Variants in BCL2 observed in about 807,000 individuals in gnomAD.
The protein encoded by BCL2 is apoptosis regulator Bcl-2.
A neutral mutation model predicts 14.2 loss-of-function variants in BCL2; 1 was observed. The observed-to-expected ratio is 0.07, with a 90% CI of 0.02 to 0.33. The LOEUF (loss-of-function observed/expected upper bound fraction) is 0.33, where lower values mean the gene tolerates loss of function less well. Among genes scored for constraint, BCL2 ranks in the 10% least tolerant of loss-of-function variants. The probability of loss-of-function intolerance (pLI) is 0.99; values close to 1 mark genes in which losing one functional copy is unlikely to be tolerated. For synonymous variants in BCL2, 151 were observed against 137.2 expected, an observed-to-expected ratio of 1.10 and a Z score of -0.70; for missense variants, 247 against 305.9, an observed-to-expected ratio of 0.81 and a Z score of 1.44.
chr18:63,318,832 G>T lies in BCL2; in HGVS notation c.-166C>A. On this transcript the variant is annotated 5_prime_UTR_variant, in exon 2 of 3. Transcript: ENST00000333681. The surrounding 1 kb of genome is among the most constrained non-coding windows in gnomAD (Gnocchi z 7.4). ...CAATCACGCGGAACACTTGATTCTGGTGTTTCCCCCTTGGCATGAGATGCA... is the reference window on the plus strand; with the variant it reads ...CAATCACGCGGAACACTTGATTCTGTTGTTTCCCCCTTGGCATGAGATGCA... 1 of 1,414,752 alleles carries T rather than the reference G, an allele frequency of 7.1e-7. No homozygotes were observed. Among genetic ancestry groups the T allele is most frequent in the Non-Finnish European group, 9.2e-7 (1 of 1,083,030 alleles). The allele number at this position is 1,414,752 out of a possible 1,614,324, so 87.6% of individuals were successfully genotyped here. A position where few individuals can be genotyped will look rare whatever the true frequency, so the allele number is the denominator to read the frequency against.
chr18:63,139,750 C>T (rs1410115838), intron 2 of BCL2, among the ~76,000 whole-genome samples: 1 of 152,168 alleles, frequency 6.6e-6, no homozygotes, highest in East Asian at 1.9e-4. Context: ...TCCTACCTTC[C>T]TCATTCCATT....
chr18:63,259,964 C>G (rs918810044), intron 2 of BCL2, among the ~76,000 whole-genome samples: 1 of 152,256 alleles, frequency 6.6e-6, no homozygotes. Context: ...TTCTCCACAG[C>G]TGGCCTTTTC....
intron 2 of BCL2, among the ~76,000 whole-genome samples, chr18:63,219,172 T>C (rs1221173746): frequency 2.6e-5 from 4 of 152,190 alleles, no homozygotes; most frequent in African/African-American, 7.2e-5. Flanking sequence ...TCTCCAAATA[T>C]GGCTTGCAAT....
intron 2 of BCL2, among the ~76,000 whole-genome samples, chr18:63,230,082 T>C (rs1910650460): frequency 6.6e-6 from 1 of 152,166 alleles, no homozygotes; most frequent in African/African-American, 2.4e-5. Flanking sequence ...AAATAGAGAA[T>C]GCACATGAAA....
At chr18:63,165,791 T>C (rs1015657216) in intron 2 of BCL2, among the ~76,000 whole-genome samples, 1 of 152,014 alleles carries the variant, frequency 6.6e-6, no homozygotes, top group Non-Finnish European at 1.5e-5. Flanking sequence ...AGAGAAGGCT[T>C]GCAGGGGAGG....
chr18:63,194,807 G>T (rs1909399445), intron 2 of BCL2, among the ~76,000 whole-genome samples: 1 of 152,172 alleles, frequency 6.6e-6, no homozygotes, highest in South Asian at 2.1e-4. Context: ...GATCCCAAGG[G>T]TTCCTGGATC....
rs971266568 is a variant in BCL2 at position 63,145,525 on chromosome 18, A to T, written c.586-16766T>A. 7.2e-5 allele frequency among the ~76,000 whole-genome samples: 11 copies of T among 152,354 alleles called. No individual in the cohort carries two copies. The South Asian group carries it at 8.3e-4, about 11-fold the overall frequency. The stretch of plus-strand genomic sequence containing the variant: ...AAACAGCTTTTCTCTACTCACATTT[A>T]AAAAATCTTCATAATTTAACAAAGG... On this transcript the variant is annotated intron_variant, in intron 2 of 2. Coordinates refer to ENST00000333681, the MANE Select transcript of BCL2 (RefSeq NM_000633.3).
chr18:63,167,125 G>A (rs965945804), intron 2 of BCL2, among the ~76,000 whole-genome samples: 3 of 152,216 alleles, frequency 2.0e-5, no homozygotes, highest in Non-Finnish European at 4.4e-5. Flanking sequence ...CTCCTTTGGT[G>A]TATAATTCTA....
intron 2 of BCL2, among the ~76,000 whole-genome samples, chr18:63,144,927 G>A (rs1046369041): frequency 5.3e-5 from 8 of 152,244 alleles, no homozygotes; most frequent in Admixed American, 2.0e-4. Flanking sequence ...GGGAACGTGT[G>A]CGGCACACTC....
At chr18:63,271,580 C>T (rs1327776457) in intron 2 of BCL2, among the ~76,000 whole-genome samples, 3 of 152,212 alleles carry the variant, frequency 2.0e-5, no homozygotes, top group African/African-American at 7.2e-5. Flanking sequence ...AGTTTTGCTG[C>T]TTTCAATATT....
intron 2 of BCL2, among the ~76,000 whole-genome samples, chr18:63,307,885 T>C (rs1913190224): frequency 6.6e-6 from 1 of 152,160 alleles, no homozygotes; most frequent in African/African-American, 2.4e-5. Flanking sequence ...TGGGGACAAA[T>C]CTACAAGCTG....
chr18:63,242,377 G>T (rs1479257196), intron 2 of BCL2, among the ~76,000 whole-genome samples: 9 of 152,202 alleles, frequency 5.9e-5, no homozygotes, highest in Non-Finnish European at 1.5e-5. Flanking sequence ...TTATTGAGGA[G>T]AAATCAGGGA....
chr18:63,233,970 A>G (rs1165702564), intron 2 of BCL2, among the ~76,000 whole-genome samples: 2 of 152,178 alleles, frequency 1.3e-5, no homozygotes, highest in Admixed American at 6.5e-5. Flanking sequence ...TATTCTCTGT[A>G]AATTTTGTAT....
At chr18:63,311,671 AAGAAGC>A (rs1337726235) in intron 2 of BCL2, among the ~76,000 whole-genome samples, 8 of 152,290 alleles carry the variant, frequency 5.3e-5, no homozygotes, top group African/African-American at 1.7e-4. Flanking sequence ...AAGGCAAAAC[AAGAAGC>A]AGAATGGAAA....
intron 2 of BCL2, chr18:63,317,714 C>G: frequency 9.0e-7 from 1 of 1,110,932 alleles, no homozygotes; most frequent in Non-Finnish European, 1.1e-6. Context: ...GTCCCTGAAA[C>G]CTCCCTCCGG....
At chr18:63,256,032 C>A (rs187974129) in intron 2 of BCL2, among the ~76,000 whole-genome samples, 35 of 152,128 alleles carry the variant, frequency 2.3e-4, no homozygotes, top group African/African-American at 8.2e-4. Context: ...AAGAATTTTA[C>A]CTGATGGTTA....
At chr18:63,314,808 G>A (rs1158191764) in intron 2 of BCL2, 1 of 152,158 alleles carries the variant, frequency 6.6e-6, no homozygotes, top group Admixed American at 6.5e-5. Flanking sequence ...TTGAAGAAAA[G>A]CTATCTTACT....
At chr18:63,261,796 T>A (rs141118781) in intron 2 of BCL2, among the ~76,000 whole-genome samples, 185 of 140,730 alleles carry the variant, frequency 1.3e-3, no homozygotes, top group African/African-American at 4.9e-3. Context: ...TTTTTCTTTT[T>A]TTTTTTTTAT....
intron 2 of BCL2, among the ~76,000 whole-genome samples, chr18:63,256,720 G>C (rs1296658134): frequency 1.3e-5 from 2 of 152,072 alleles, no homozygotes; most frequent in Non-Finnish European, 2.9e-5. Flanking sequence ...TACAGTTTAG[G>C]GTCACAAAAT....
Sources: allele counts gnomAD v4.1 joint callset (sites outside exome capture counted in the v4.1 genomes callset), GRCh38; gene constraint gnomAD v4.1.1; non-coding constraint Gnocchi (gnomAD v3.1); transcripts MANE v1.5; gene names NCBI Gene and HGNC (gene_info 2026-07-23, HGNC 2026-07-21).